The following CEP83 variants were observed in gnomAD, a reference collection of about 807,000 sequenced individuals.
CEP83 encodes centrosomal protein 83.
A neutral mutation model predicts 101.9 loss-of-function variants in CEP83; 70 were observed. The observed-to-expected ratio is 0.69, with a 90% CI of 0.57 to 0.84. The LOEUF (loss-of-function observed/expected upper bound fraction) is 0.84, where lower values mean the gene tolerates loss of function less well. Among genes scored for constraint, CEP83 ranks in the 40% least tolerant of loss-of-function variants. The pLI is 0.00. For missense variants in CEP83, 715 were observed against 787.2 expected (o/e 0.91, Z 1.10); for synonymous variants, 264 against 267.9 (o/e 0.99, Z 0.14).
Position 94,416,781 on chromosome 12 carries a change from C to T in CEP83, c.-101-4190G>A, listed in dbSNP as rs554965786. Among the ~76,000 whole-genome samples, 83 of 152,130 alleles carry T rather than the reference C, an allele frequency of 5.5e-4. 1 individual carries two copies. In the South Asian group the frequency reaches 0.017, roughly 31 times the overall value. On this transcript the variant is annotated intron_variant, in intron 2 of 16. Coordinates refer to ENST00000397809, the MANE Select transcript of CEP83 (RefSeq NM_016122.3). ...GAGGAGACCACATGGAAAACCTAAA[C>T]TTTCACCCCCCACCAAGAGTAACAA...
chr12:94,405,775 G>T (rs145786449), intron 4 of CEP83, among the ~76,000 whole-genome samples: 1 of 152,276 alleles, frequency 6.6e-6, no homozygotes, highest in East Asian at 1.9e-4. Context: ...CAGTCATGAG[G>T]GACTCCCTGA....
At chr12:94,421,164 C>T (rs2064712990) in intron 2 of CEP83, among the ~76,000 whole-genome samples, 1 of 152,060 alleles carries the variant, frequency 6.6e-6, no homozygotes, top group South Asian at 2.1e-4. Flanking sequence ...TCCCAAGTAG[C>T]TGGTACTACA....
At chr12:94,294,642 G>C in the CEP83 span, 1 of 607,484 alleles carries the variant, frequency 1.6e-6, no homozygotes. Context: ...AGATTGAGTT[G>C]TTGCTATGTA....
chr12:94,357,546 G>C (rs945968146), intron 11 of CEP83, among the ~76,000 whole-genome samples: 7 of 152,144 alleles, frequency 4.6e-5, no homozygotes, highest in Admixed American at 3.3e-4. Context: ...TTCTAAACCG[G>C]GGCATTTCCA....
At chr12:94,300,220 T>C in the CEP83 span, among the ~76,000 whole-genome samples, 1 of 152,098 alleles carries the variant, frequency 6.6e-6, no homozygotes. Flanking sequence ...TAGCAGATGA[T>C]GAGTGCAGTG....
At chr12:94,283,913 G>A in the CEP83 span, among the ~76,000 whole-genome samples, 1 of 152,002 alleles carries the variant, frequency 6.6e-6, no homozygotes, top group East Asian at 1.9e-4. Context: ...GTAAAACGCT[G>A]TCTCTAAAAA....
Position 94,456,277 on chromosome 12 carries a change from G to A in CEP83, c.-155+3280C>T, listed in dbSNP as rs191995818. 1.2e-4 allele frequency among the ~76,000 whole-genome samples: 18 copies of A among 152,184 alleles called. 1 individual carries two copies. In the East Asian group the frequency reaches 3.1e-3, roughly 26 times the overall value. Reference sequence around the variant, plus strand: ...GAAATTCTCAAATACTCACTTTCTAGGAACAGAATCTTTATTTCTGATTCC... The same window carrying A: ...GAAATTCTCAAATACTCACTTTCTAAGAACAGAATCTTTATTTCTGATTCC... On this transcript the variant is annotated intron_variant, in intron 1 of 16. Coordinates refer to ENST00000397809, the MANE Select transcript of CEP83 (RefSeq NM_016122.3).
At chr12:94,374,654 T>A (rs763215858) in intron 8 of CEP83, among the ~76,000 whole-genome samples, 1 of 152,158 alleles carries the variant, frequency 6.6e-6, no homozygotes, top group Admixed American at 6.6e-5. Context: ...TATAAGGAAA[T>A]TGGATCCTAA....
intron 4 of CEP83, among the ~76,000 whole-genome samples, chr12:94,406,034 A>C (rs902560072): frequency 2.0e-5 from 3 of 152,212 alleles, no homozygotes; most frequent in African/African-American, 7.2e-5. Context: ...TCTGTTCCCC[A>C]AAAACAGATT....
intron 2 of CEP83, among the ~76,000 whole-genome samples, chr12:94,419,761 A>G (rs1429886829): frequency 6.6e-6 from 1 of 152,168 alleles, no homozygotes; most frequent in Non-Finnish European, 1.5e-5. Context: ...AGAGTCTTCA[A>G]TAAAGGCCAC....
rs1372392837 is a variant in CEP83, at chr12:94,442,379, G to C, written c.-154-7052C>G. Among the ~76,000 whole-genome samples, 5 of 151,642 alleles carry C rather than the reference G, an allele frequency of 3.3e-5. No homozygotes were observed. In the East Asian group the frequency reaches 5.8e-4, roughly 18 times the overall value. On this transcript the variant is annotated intron_variant, in intron 1 of 16. Transcript: ENST00000397809. ...GGGGACCTGGGGGGAAGGAGGGAGGGGGGTGAGGGTTAAAAGACTACACAC... is the reference window on the plus strand; with the variant it reads ...GGGGACCTGGGGGGAAGGAGGGAGGCGGGTGAGGGTTAAAAGACTACACAC...
chr12:94,274,962 T>C, the CEP83 span, among the ~76,000 whole-genome samples: 18 of 152,344 alleles, frequency 1.2e-4, no homozygotes, highest in African/African-American at 3.6e-4. Flanking sequence ...TAATTTGCTA[T>C]TATTATGTGT....
chr12:94,378,940 CTT>C lies in CEP83; in HGVS notation c.650_651del (p.Lys217SerfsTer13). 6.2e-7 allele frequency: 1 copy of C among 1,614,028 alleles called. No homozygotes were observed. Among genetic ancestry groups the C allele is most frequent in the Non-Finnish European group, 8.5e-7 (1 of 1,179,958 alleles). On this transcript the variant is annotated frameshift_variant, in exon 7 of 17. Coordinates refer to ENST00000397809, the MANE Select transcript of CEP83 (RefSeq NM_016122.3). LOFTEE classifies it high-confidence loss of function. The stretch of plus-strand genomic sequence containing the variant: ...CCTTTTAATTTTTGACACAAATAGA[CTT>C]TTTCTCGAGCAAGTTGTTCCACTCG... ...SKRVEQLARE[K>X]VYLCQKLKGL...
chr12:94,280,357 A>G, the CEP83 span, among the ~76,000 whole-genome samples: 1 of 152,222 alleles, frequency 6.6e-6, no homozygotes, highest in African/African-American at 2.4e-5. Flanking sequence ...GAATAGAATC[A>G]TGGTGGTGAC....
the CEP83 span, chr12:94,300,925 C>A: frequency 6.2e-7 from 1 of 1,612,810 alleles, no homozygotes; most frequent in Non-Finnish European, 8.5e-7. Flanking sequence ...CTCTTCGCTT[C>A]TGGGTAAACA....
At chr12:94,307,640 C>T (rs1002424579), downstream of CEP83, 3 of 149,706 alleles carry the variant, frequency 2.0e-5, no homozygotes, top group East Asian at 1.9e-4. Context: ...TTTTAAATGT[C>T]TATATCCAAA....
intron 11 of CEP83, among the ~76,000 whole-genome samples, chr12:94,360,643 T>C (rs530540980): frequency 2.0e-5 from 3 of 152,138 alleles, no homozygotes; most frequent in South Asian, 4.1e-4. Flanking sequence ...TGCTTATGGA[T>C]TGGGAGATTA....
At position 94,423,686 on chromosome 12, in the gene CEP83, A is replaced by G. The variant is rs947069833; in HGVS notation, c.-101-11095T>C. ...GGTTAACCCTCTGGAATTTGGGAGC[A>G]TGAGTATCTCCAAGAATTCATTTCT... On this transcript the variant is annotated intron_variant, in intron 2 of 16. Transcript: ENST00000397809. 34 of 1,587,996 alleles carry G rather than the reference A, an allele frequency of 2.1e-5. No individual in the cohort carries two copies. In the Admixed American group the frequency reaches 5.2e-4, roughly 24 times the overall value.
intron 4 of CEP83, among the ~76,000 whole-genome samples, chr12:94,405,386 T>C (rs951294060): frequency 2.0e-5 from 3 of 152,194 alleles, no homozygotes; most frequent in African/African-American, 7.2e-5. Context: ...GTTGAAAGAA[T>C]ATTATTTGAT....
Sources: allele counts gnomAD v4.1 joint callset (sites outside exome capture counted in the v4.1 genomes callset), GRCh38; gene constraint gnomAD v4.1.1; transcripts MANE v1.5; gene names NCBI Gene and HGNC (gene_info 2026-07-23, HGNC 2026-07-21).